RABGAP1L: variants seen among roughly 807,000 people sequenced by gnomAD.
RABGAP1L encodes the protein RAB GTPase activating protein 1 like.
A neutral mutation model predicts 137.7 loss-of-function variants in RABGAP1L; 63 were observed. The ratio of observed to expected loss-of-function variants is 0.46; its 90% CI spans 0.37 to 0.56. The LOEUF is 0.56. Among genes scored for constraint, RABGAP1L ranks in the 20% least tolerant of loss-of-function variants. The probability of loss-of-function intolerance (pLI) is 0.00; values close to 1 mark genes in which losing one functional copy is unlikely to be tolerated. For synonymous variants in RABGAP1L, 431 were observed against 433.7 expected, an observed-to-expected ratio of 0.99 and a Z score of 0.08; for missense variants, 1,095 against 1,244.0, an observed-to-expected ratio of 0.88 and a Z score of 1.80.
intron 14 of RABGAP1L, among the ~76,000 whole-genome samples, chr1:174,650,920 T>C (rs887345102): frequency 1.0e-4 from 15 of 144,146 alleles, no homozygotes; most frequent in African/African-American, 4.0e-4. Context: ...CTTTTAATTG[T>C]GATGTTAGGG....
intron 13 of RABGAP1L, among the ~76,000 whole-genome samples, chr1:174,570,428 C>G (rs1030639067): frequency 2.6e-5 from 4 of 152,142 alleles, no homozygotes; most frequent in African/African-American, 9.7e-5. Flanking sequence ...AGAAAACCTA[C>G]CACTGTGTGT....
chr1:174,412,274 A>T (rs1024584683), intron 13 of RABGAP1L, among the ~76,000 whole-genome samples: 1 of 152,110 alleles, frequency 6.6e-6, no homozygotes, highest in Non-Finnish European at 1.5e-5. Context: ...TATCTAATAT[A>T]AGAACAGCCA....
At chr1:174,914,492 A>C (rs1270336558) in intron 19 of RABGAP1L, among the ~76,000 whole-genome samples, 1 of 152,236 alleles carries the variant, frequency 6.6e-6, no homozygotes, top group Non-Finnish European at 1.5e-5. Context: ...AGCAGAGTGG[A>C]TACTGAAGTA....
chr1:174,427,834 A>C (rs916930930), intron 13 of RABGAP1L, among the ~76,000 whole-genome samples: 1 of 152,138 alleles, frequency 6.6e-6, no homozygotes, highest in African/African-American at 2.4e-5. Flanking sequence ...ATTACCTTCT[A>C]CTGTGTGCCA....
intron 13 of RABGAP1L, among the ~76,000 whole-genome samples, chr1:174,486,376 T>A (rs1174206157): frequency 1.3e-5 from 2 of 150,974 alleles, no homozygotes; most frequent in African/African-American, 4.9e-5. Flanking sequence ...AGACGGAGTC[T>A]CACTCTGTTG....
chr1:174,949,488 A>G (rs997875847), intron 19 of RABGAP1L, among the ~76,000 whole-genome samples: 2 of 152,328 alleles, frequency 1.3e-5, no homozygotes, highest in Admixed American at 6.5e-5. Flanking sequence ...GGAGCAGACA[A>G]TGGTGACTTG....
intron 20 of RABGAP1L, chr1:174,964,744 T>G: frequency 2.4e-6 from 3 of 1,260,270 alleles, no homozygotes; most frequent in Non-Finnish European, 3.1e-6. Flanking sequence ...CTTCCTGAGT[T>G]GAGACTTGCC....
intron 11 of RABGAP1L, among the ~76,000 whole-genome samples, chr1:174,331,965 T>G (rs1681071863): frequency 6.6e-6 from 1 of 152,084 alleles, no homozygotes; most frequent in African/African-American, 2.4e-5. Context: ...CTGAGAATGA[T>G]GGAGTCTCGC....
intron 12 of RABGAP1L, among the ~76,000 whole-genome samples, chr1:174,376,645 A>G (rs1685571284): frequency 6.6e-6 from 1 of 152,194 alleles, no homozygotes; most frequent in Non-Finnish European, 1.5e-5. Context: ...TTCAGCATTC[A>G]TTCTTGATTT....
At chr1:174,891,702 G>A (rs758774051) in intron 19 of RABGAP1L, among the ~76,000 whole-genome samples, 4 of 151,908 alleles carry the variant, frequency 2.6e-5, no homozygotes, top group African/African-American at 4.8e-5. Flanking sequence ...ATAGGGTCTC[G>A]CTATGTTGCT....
chr1:174,626,318 AT>A (rs1672939109), intron 13 of RABGAP1L, among the ~76,000 whole-genome samples: 1 of 152,216 alleles, frequency 6.6e-6, no homozygotes, highest in Non-Finnish European at 1.5e-5. Flanking sequence ...TCCTAGTCTT[AT>A]AGTCTTTAAA....
intron 13 of RABGAP1L, among the ~76,000 whole-genome samples, chr1:174,500,955 T>C (rs1160960105): frequency 6.6e-6 from 1 of 152,220 alleles, no homozygotes; most frequent in African/African-American, 2.4e-5. Context: ...GCTTTTTTTG[T>C]CATTTGTTTT....
intron 13 of RABGAP1L, among the ~76,000 whole-genome samples, chr1:174,410,273 A>G (rs1649772311): frequency 6.6e-6 from 1 of 152,158 alleles, no homozygotes; most frequent in Non-Finnish European, 1.5e-5. Context: ...GGTTCCCCCG[A>G]TAAATTATTT....
At chr1:174,932,935 C>A (rs1025801104) in intron 19 of RABGAP1L, among the ~76,000 whole-genome samples, 2 of 152,110 alleles carry the variant, frequency 1.3e-5, no homozygotes, top group African/African-American at 4.8e-5. Context: ...TCAGGTATTT[C>A]TCCAAGTAGC....
At chr1:174,757,050 C>T in intron 18 of RABGAP1L, 1 of 558,894 alleles carries the variant, frequency 1.8e-6, no homozygotes, top group East Asian at 5.3e-5. Flanking sequence ...CCAATCCCGG[C>T]CAGGCTCCCT....
At chr1:174,491,923 A>C (rs1196473106) in intron 13 of RABGAP1L, among the ~76,000 whole-genome samples, 1 of 152,164 alleles carries the variant, frequency 6.6e-6, no homozygotes, top group Non-Finnish European at 1.5e-5. Flanking sequence ...AGATGCACAG[A>C]TTCTTCTTGC....
At chr1:174,162,768 TCTCTTTCTG>T (rs372671066) in intron 1 of RABGAP1L, among the ~76,000 whole-genome samples, 28 of 128,074 alleles carry the variant, frequency 2.2e-4, no homozygotes, top group Admixed American at 4.1e-4. Context: ...TTTTTTTTTT[TCTCTTTCTG>T]TTTTTTTTTT....
At chr1:174,986,535 C>T (rs1671605618) in intron 24 of RABGAP1L, among the ~76,000 whole-genome samples, 1 of 152,204 alleles carries the variant, frequency 6.6e-6, no homozygotes, top group African/African-American at 2.4e-5. Context: ...GCAGTATCCA[C>T]CACATTTTAG....
chr1:174,641,089 T>C (rs935298085), intron 14 of RABGAP1L, among the ~76,000 whole-genome samples: 3 of 151,528 alleles, frequency 2.0e-5, no homozygotes, highest in African/African-American at 7.3e-5. Context: ...TCCTCATCAA[T>C]GGAGCCTACA....
Sources: allele counts gnomAD v4.1 joint callset (sites outside exome capture counted in the v4.1 genomes callset), GRCh38; gene constraint gnomAD v4.1.1; transcripts MANE v1.5; gene names NCBI Gene and HGNC (gene_info 2026-07-23, HGNC 2026-07-21).